The following PLEKHG7 variants were observed in gnomAD, a reference collection of about 807,000 sequenced individuals.
PLEKHG7 encodes the protein pleckstrin homology domain-containing family G member 7.
Under a neutral mutation model 85.2 loss-of-function variants are expected in PLEKHG7, and 77 were observed. That is an observed-to-expected ratio of 0.90 (90% confidence interval 0.75 to 1.09). The LOEUF is 1.09. PLEKHG7 is among the 50% of genes least tolerant of loss of function. PLEKHG7 has a pLI of 0.00. For synonymous variants in PLEKHG7, 301 were observed against 302.4 expected (o/e 1.00, Z 0.05); for missense variants, 777 against 804.3 (o/e 0.97, Z 0.41).
chr12:92,719,514 A>G (rs1871579259), intron 3 of PLEKHG7, among the ~76,000 whole-genome samples: 1 of 152,252 alleles, frequency 6.6e-6, no homozygotes, highest in Non-Finnish European at 1.5e-5. Flanking sequence ...AGGCTGCCTG[A>G]TTAAAAAACA....
intron 2 of PLEKHG7, chr12:92,707,377 A>T: frequency 7.0e-7 from 1 of 1,427,808 alleles, no homozygotes. Flanking sequence ...AGGCACTTTG[A>T]GAAAGGATGC....
chr12:92,722,467 A>G (rs2136583751), intron 3 of PLEKHG7, among the ~76,000 whole-genome samples: 2 of 152,296 alleles, frequency 1.3e-5, no homozygotes, highest in South Asian at 4.1e-4. Context: ...GCCCTTCCAG[A>G]GGCATATTCA....
chr12:92,742,574 T>C (rs751995866), intron 9 of PLEKHG7, among the ~76,000 whole-genome samples: 11 of 136,634 alleles, frequency 8.1e-5, no homozygotes, highest in Non-Finnish European at 1.5e-4. Flanking sequence ...TCTTTGGATA[T>C]TTTTGTTTGT....
intron 3 of PLEKHG7, among the ~76,000 whole-genome samples, chr12:92,725,470 G>A (rs574388573): frequency 2.4e-4 from 36 of 152,238 alleles, no homozygotes; most frequent in Non-Finnish European, 4.7e-4. Context: ...AAAGGAGGGC[G>A]GAGAAACAAG....
rs559118628 is a variant in PLEKHG7, at chr12:92,742,028, C to A, written c.1137+436C>A. ...GGGTGAAATGAGAAAAGAGGAAAAC[C>A]TGTACCCCGGGTTTGATCAATGTTA... On this transcript the variant is annotated intron_variant, in intron 9 of 16. Coordinates refer to ENST00000344636, the MANE Select transcript of PLEKHG7 (RefSeq NM_001377329.1). 2.0e-5 allele frequency among the ~76,000 whole-genome samples: 3 copies of A among 152,286 alleles called. No individual in the cohort carries two copies. In the East Asian group the frequency reaches 5.8e-4, roughly 29 times the overall value.
In PLEKHG7 at chr12:92,719,846, A is replaced by G. The variant is rs536293298; in HGVS notation, c.531-9147A>G. On this transcript the variant is annotated intron_variant, in intron 3 of 16. Coordinates refer to ENST00000344636, the MANE Select transcript of PLEKHG7 (RefSeq NM_001377329.1). ...TCTGCCAAGATAAAGGTCACCACAC[A>G]ATTACTGTCCTCACCCACTGGCCAC... Among the ~76,000 whole-genome samples the G allele has an allele frequency of 2.6e-5, 4 of 152,332 alleles. No individual in the cohort carries two copies. In the East Asian group the frequency reaches 5.8e-4, roughly 22 times the overall value.
At chr12:92,726,852 T>TG (rs1871830858) in intron 3 of PLEKHG7, among the ~76,000 whole-genome samples, 1 of 152,190 alleles carries the variant, frequency 6.6e-6, no homozygotes, top group African/African-American at 2.4e-5. Flanking sequence ...CATTTTTCTC[T>TG]GGGAAAAATA....
Position 92,768,999 on chromosome 12 carries a change from T to C in PLEKHG7, c.1887T>C (p.Asn629=). 6.3e-7 allele frequency: 1 copy of C among 1,594,722 alleles called. No individual in the cohort carries two copies. The highest frequency in any genetic ancestry group is 1.1e-5 in the South Asian group (1 of 88,938). The change falls in exon 16 of 17, where the codon AAT becomes AAC. Residue 629 remains asparagine (N), a synonymous_variant. Transcript: ENST00000344636. The part of the protein sequence containing the change: ...PLHVSVFGLR[N]AFLIQHENRY... ...TTTTTCTAGTCTTTGGGCTGAGAAA[T>C]GCTTTTCTTATACAACACGAAAACA...
intron 9 of PLEKHG7, among the ~76,000 whole-genome samples, chr12:92,741,867 A>G (rs935463035): frequency 7.2e-5 from 11 of 152,350 alleles, no homozygotes; most frequent in Admixed American, 4.6e-4. Flanking sequence ...AGTGGCTTCA[A>G]TTTAAAGCAA....
chr12:92,707,219 A>G, intron 2 of PLEKHG7, 81 bp downstream of exon 2: 1 of 1,494,958 alleles, frequency 6.7e-7, no homozygotes, highest in Admixed American at 2.4e-5. Context: ...AGTTCCCCCA[A>G]GGGCCAGTAG....
At position 92,732,218 on chromosome 12, in the gene PLEKHG7, T is replaced by C; in HGVS notation, c.659-15T>C. On this transcript the variant is annotated splice_polypyrimidine_tract_variant and intron_variant, in intron 4 of 16. Transcript: ENST00000344636. ...TAAGTACTCGTAATAATATATTGTC[T>C]TTAATTTCACCCAGAATCCAAAAAG... is the stretch of plus-strand genomic sequence containing the variant. 1 of 1,227,666 alleles carries C rather than the reference T, an allele frequency of 8.1e-7. No individual in the cohort carries two copies. The highest frequency in any genetic ancestry group is 4.1e-5 in the South Asian group (1 of 24,208). The allele number at this position is 1,227,666 out of a possible 1,614,324, so 76.0% of individuals were successfully genotyped here.
intron 12 of PLEKHG7, 43 bp from the exon 13 acceptor site, chr12:92,756,255 A>G (rs1872826705): frequency 2.1e-6 from 3 of 1,436,676 alleles, no homozygotes; most frequent in Non-Finnish European, 2.0e-6. Context: ...TTCTCTTCCA[A>G]TCACTAACAA....
At chr12:92,718,174 G>T (rs1273328049) in intron 3 of PLEKHG7, among the ~76,000 whole-genome samples, 2 of 152,156 alleles carry the variant, frequency 1.3e-5, no homozygotes, top group Non-Finnish European at 2.9e-5. Context: ...GCTTCTTCGG[G>T]GCTTTAAGGC....
chr12:92,754,228 A>T lies in PLEKHG7; in HGVS notation c.1390A>T (p.Ile464Phe), dbSNP rs765953981. Residue 464 changes from isoleucine (I) to phenylalanine (F), a missense_variant, in exon 11 of 17, where the codon ATC becomes TTC. Coordinates refer to ENST00000344636, the MANE Select transcript of PLEKHG7 (RefSeq NM_001377329.1). Reference protein sequence around the residue: ...RSMDSAEKIMIYSIKEKVEKS... With the variant: ...RSMDSAEKIMFYSIKEKVEKS... The stretch of plus-strand genomic sequence containing the variant: ...CATGGACTCTGCTGAGAAAATCATG[A>T]TCTACTCCATCAAGGAAAAGGTGGA... 15 of 1,613,958 alleles carry T rather than the reference A, an allele frequency of 9.3e-6. No homozygotes were observed. The highest frequency in any genetic ancestry group is 1.2e-5 in the Non-Finnish European group (14 of 1,179,936).
chr12:92,724,245 C>T (rs1871731677), intron 3 of PLEKHG7, among the ~76,000 whole-genome samples: 1 of 152,128 alleles, frequency 6.6e-6, no homozygotes, highest in African/African-American at 2.4e-5. Flanking sequence ...GTCCTGTATG[C>T]AATATGATGA....
At chr12:92,768,289 T>C (rs1391783464) in intron 15 of PLEKHG7, among the ~76,000 whole-genome samples, 1 of 152,156 alleles carries the variant, frequency 6.6e-6, no homozygotes, top group Admixed American at 6.5e-5. Flanking sequence ...GAGACTTTCA[T>C]TTTAAGCGCT....
At chr12:92,715,759 C>T (rs1020146587) in intron 3 of PLEKHG7, among the ~76,000 whole-genome samples, 3 of 136,928 alleles carry the variant, frequency 2.2e-5, no homozygotes, top group African/African-American at 8.0e-5. Flanking sequence ...ATGGTATAAA[C>T]TAGGATTTAG....
chr12:92,754,308 T>A, intron 11 of PLEKHG7, 44 bp downstream of exon 11: 1 of 1,581,642 alleles, frequency 6.3e-7, no homozygotes, highest in Non-Finnish European at 8.7e-7. Context: ...AATTGTGGCC[T>A]TGTGACTCCT....
rs370820074 is a variant in PLEKHG7 at position 92,707,148 on chromosome 12, C to T, written c.507+10C>T. 2 of 1,602,538 alleles carry T rather than the reference C, an allele frequency of 1.2e-6. No homozygotes were observed. The highest frequency in any genetic ancestry group is 2.7e-5 in the African/African-American group (2 of 74,498). ...ACACCCTAGTCCTCAGGTAACACAGCTCTAAGCCTCCGGCCTCTCAGTTGC... is the reference window on the plus strand; with the variant it reads ...ACACCCTAGTCCTCAGGTAACACAGTTCTAAGCCTCCGGCCTCTCAGTTGC... On this transcript the variant is annotated intron_variant, in intron 2 of 16. Coordinates refer to ENST00000344636, the MANE Select transcript of PLEKHG7 (RefSeq NM_001377329.1).
Sources: gnomAD v4.1 joint callset for allele counts (sites outside exome capture counted in the v4.1 genomes callset) on GRCh38, gnomAD v4.1.1 for gene constraint, MANE v1.5 for transcripts, NCBI Gene and HGNC (gene_info 2026-07-23, HGNC 2026-07-21) for gene names.